FILIP1: variants seen among roughly 807,000 people sequenced by gnomAD.
The protein encoded by FILIP1 is filamin-A-interacting protein 1.
Under a neutral mutation model 102.1 loss-of-function variants are expected in FILIP1, and 61 were observed. The observed-to-expected ratio is 0.60, with a 90% CI of 0.49 to 0.74. The LOEUF (loss-of-function observed/expected upper bound fraction) is 0.74. Ranked by LOEUF, FILIP1 falls within the 30% of genes least tolerant of loss-of-function variation. The pLI is 0.00. For missense variants in FILIP1, 1,314 were observed against 1,441.2 expected (o/e 0.91, Z 1.43); for synonymous variants, 491 against 526.9 (o/e 0.93, Z 0.93).
At chr6:75,399,723 G>T (rs1262473856) in intron 2 of FILIP1, among the ~76,000 whole-genome samples, 2 of 152,056 alleles carry the variant, frequency 1.3e-5, no homozygotes, top group Non-Finnish European at 2.9e-5. Flanking sequence ...GGGTTACTGT[G>T]ATTATTAAAT....
chr6:75,462,578 G>A (rs1168877811), intron 1 of FILIP1, among the ~76,000 whole-genome samples: 3 of 151,850 alleles, frequency 2.0e-5, no homozygotes, highest in African/African-American at 4.8e-5. Context: ...TCTCATATAT[G>A]TGTGTGTATA....
chr6:75,390,171 G>GCA lies in FILIP1; in HGVS notation c.276+24524_276+24525dup, dbSNP rs1299244425. On this transcript the variant is annotated intron_variant, in intron 2 of 5. Transcript: ENST00000237172. ...ACATTACTTGCCCAACAACTCAGAA[G>GCA]CAGATAATTTCTATCCCACTCTCCT... Among the ~76,000 whole-genome samples the GCA allele has an allele frequency of 1.2e-4, 18 of 152,276 alleles. 1 individual carries two copies. The South Asian group carries it at 3.5e-3, about 30-fold the overall frequency.
chr6:75,356,788 G>C (rs1319524495), intron 3 of FILIP1, among the ~76,000 whole-genome samples: 1 of 151,936 alleles, frequency 6.6e-6, no homozygotes, highest in East Asian at 1.9e-4. Context: ...AGTCTTAAAG[G>C]GACAGTCTAT....
intron 1 of FILIP1, among the ~76,000 whole-genome samples, chr6:75,422,991 A>T (rs540911238): frequency 6.6e-5 from 10 of 152,292 alleles, no homozygotes; most frequent in Admixed American, 4.6e-4. Context: ...TCAACAACAC[A>T]TTTGTTCCAG....
chr6:75,412,025 A>C (rs1427696079), intron 2 of FILIP1, among the ~76,000 whole-genome samples: 1 of 152,062 alleles, frequency 6.6e-6, no homozygotes, highest in African/African-American at 2.4e-5. Flanking sequence ...CATTTTCATG[A>C]TATTGATTCT....
intron 4 of FILIP1, among the ~76,000 whole-genome samples, chr6:75,323,388 A>G (rs1485442858): frequency 6.6e-6 from 1 of 152,212 alleles, no homozygotes; most frequent in Non-Finnish European, 1.5e-5. Context: ...CAGAAAAAAG[A>G]AATTAAAACC....
chr6:75,413,561 T>C (rs1038267843), intron 2 of FILIP1, among the ~76,000 whole-genome samples: 1 of 152,078 alleles, frequency 6.6e-6, no homozygotes, highest in African/African-American at 2.4e-5. Flanking sequence ...ACACAGATGA[T>C]AACAGGAACA....
At chr6:75,348,539 C>A (rs1774675478) in intron 4 of FILIP1, among the ~76,000 whole-genome samples, 2 of 152,128 alleles carry the variant, frequency 1.3e-5, no homozygotes, top group Non-Finnish European at 1.5e-5. Context: ...AAGCCCAGAA[C>A]AATACATTGC....
rs765638620 is a variant in FILIP1 at position 75,314,646 on chromosome 6, C to T, written c.1186G>A (p.Glu396Lys). Reference sequence around the variant, plus strand: ...CACTGGGATTCAGTTTTAGTGATCTCCTCATCTTTACCTTCCATTTCAAGC... The same window carrying T: ...CACTGGGATTCAGTTTTAGTGATCTTCTCATCTTTACCTTCCATTTCAAGC... ...RVLEMEGKDE[E>K]ITKTESQCRE... The change falls in exon 5 of 6, where the codon GAG (glutamate) becomes AAG (lysine). Residue 396 changes from glutamate (E) to lysine (K), a missense_variant. Physicochemically the swap from Glu to Lys is moderately conservative, Grantham distance 56 (BLOSUM62 1). Transcript: ENST00000237172. 1.2e-6 allele frequency: 2 copies of T among 1,613,682 alleles called. No individual in the cohort carries two copies. The highest frequency in any genetic ancestry group is 1.7e-6 in the Non-Finnish European group (2 of 1,179,930).
Position 75,313,897 on chromosome 6 carries a change from T to C in FILIP1, c.1935A>G (p.Gln645=), listed in dbSNP as rs1773316056. The part of the protein sequence containing the change: ...EIERLKKRLQ[Q]LEVVEGDLMK... ...TCAAATCCCCTTCGACCACTTCCAA[T>C]TGTTGGAGACGTTTCTTCAGTCTCT... The change falls in exon 5 of 6, where the codon CAA becomes CAG. Residue 645 remains glutamine (Q), a synonymous_variant. Transcript: ENST00000237172. This position sits in a 1 kb window ranked among gnomAD's most constrained non-coding sequence, Gnocchi z 4.2. 6.2e-7 allele frequency: 1 copy of C among 1,613,874 alleles called. No homozygotes were observed. The highest frequency in any genetic ancestry group is 1.3e-5 in the African/African-American group (1 of 74,928).
chr6:75,437,024 G>A (rs1290447318), intron 1 of FILIP1, among the ~76,000 whole-genome samples: 2 of 152,070 alleles, frequency 1.3e-5, no homozygotes, highest in Non-Finnish European at 2.9e-5. Context: ...AATAACTCCT[G>A]CAGCCTCAAC....
chr6:75,464,078 A>C (rs1241049657), intron 1 of FILIP1, among the ~76,000 whole-genome samples: 1 of 152,222 alleles, frequency 6.6e-6, no homozygotes, highest in East Asian at 1.9e-4. Context: ...GGACTGTTCC[A>C]TGTCTGTCCT....
intron 1 of FILIP1, among the ~76,000 whole-genome samples, chr6:75,441,829 CG>C (rs1289817387): frequency 1.4e-5 from 2 of 143,000 alleles, no homozygotes; most frequent in Non-Finnish European, 3.1e-5. Context: ...GCTGGCCGGG[CG>C]GGGGGCTGGC....
rs1773349690 is a variant in FILIP1, at chr6:75,314,452, C to T, written c.1380G>A (p.Lys460=). 2.5e-6 allele frequency: 4 copies of T among 1,583,880 alleles called. No individual in the cohort carries two copies. In the East Asian group the frequency reaches 6.7e-5, roughly 27 times the overall value. ...CATTTAGCAGGTCTTTGGTTAAGTT[C>T]TTTTCTTTCTCCAGATTTAAATGTA... ...TQLHLNLEKE[K]NLTKDLLNEL... Residue 460 remains lysine, a synonymous_variant, in exon 5 of 6, where the codon AAG becomes AAA. Coordinates refer to ENST00000237172, the MANE Select transcript of FILIP1 (RefSeq NM_015687.5).
chr6:75,330,794 G>A lies in FILIP1; in HGVS notation c.630-15592C>T, dbSNP rs970546530. Among the ~76,000 whole-genome samples, 3 of 152,012 alleles carry A rather than the reference G, an allele frequency of 2.0e-5. No individual in the cohort carries two copies. The South Asian group carries it at 6.3e-4, about 32-fold the overall frequency. On this transcript the variant is annotated intron_variant, in intron 4 of 5. Coordinates refer to ENST00000237172, the MANE Select transcript of FILIP1 (RefSeq NM_015687.5). ...TTTATTTTTCATCAGATTTCGAGGG[G>A]GTTATGTATAATTCTGCTCTAGAAT...
chr6:75,311,039 G>T lies in FILIP1; in HGVS notation c.3435+1358C>A, dbSNP rs941660323. 2.0e-4 allele frequency among the ~76,000 whole-genome samples: 30 copies of T among 152,182 alleles called. No homozygotes were observed. In the East Asian group the frequency reaches 5.4e-3, roughly 27 times the overall value. On this transcript the variant is annotated intron_variant, in intron 5 of 5. Coordinates refer to ENST00000237172, the MANE Select transcript of FILIP1 (RefSeq NM_015687.5). ...ATTTATGCTGTAGAACTTGTTCAGG[G>T]TCTAGAAATCACGATTTCTAGTCTA... is the stretch of plus-strand genomic sequence containing the variant.
At chr6:75,408,124 C>G (rs552626142) in intron 2 of FILIP1, among the ~76,000 whole-genome samples, 1 of 152,240 alleles carries the variant, frequency 6.6e-6, no homozygotes, top group African/African-American at 2.4e-5. Flanking sequence ...ACTGGTTTTT[C>G]ACCTAGAGAA....
At chr6:75,363,813 G>A (rs1293431490) in intron 2 of FILIP1, among the ~76,000 whole-genome samples, 19 of 152,200 alleles carry the variant, frequency 1.2e-4, no homozygotes, top group Admixed American at 1.2e-3. Context: ...TGGGTAAGAA[G>A]TGCCCTGACT....
At chr6:75,479,868 CAAAA>C (rs58566488) in intron 1 of FILIP1, among the ~76,000 whole-genome samples, 3 of 42,850 alleles carry the variant, frequency 7.0e-5, no homozygotes, top group African/African-American at 2.9e-4. Context: ...AGCTGTATCT[CAAAA>C]AAAAAAAAAA....
Sources: gnomAD v4.1 joint callset for allele counts (sites outside exome capture counted in the v4.1 genomes callset) on GRCh38, gnomAD v4.1.1 for gene constraint, Gnocchi (gnomAD v3.1) non-coding constraint, MANE v1.5 for transcripts, NCBI Gene and HGNC (gene_info 2026-07-23, HGNC 2026-07-21) for gene names.